The following TGM3 variants were observed in gnomAD, a reference collection of about 807,000 sequenced individuals.
The protein encoded by TGM3 is transglutaminase 3.
A neutral mutation model predicts 73.8 loss-of-function variants in TGM3; 52 were observed. The observed-to-expected ratio is 0.70, with a 90% CI of 0.56 to 0.89. The LOEUF (loss-of-function observed/expected upper bound fraction) is 0.89. TGM3 is among the 40% of genes least tolerant of loss of function. TGM3 has a pLI of 0.00. For synonymous variants in TGM3, 372 were observed against 354.9 expected, an observed-to-expected ratio of 1.05 and a Z score of -0.54; for missense variants, 928 against 909.9, an observed-to-expected ratio of 1.02 and a Z score of -0.26.
chr20:2,338,716 C>T (rs1306935058), intron 11 of TGM3, among the ~76,000 whole-genome samples: 1 of 152,224 alleles, frequency 6.6e-6, no homozygotes, highest in Non-Finnish European at 1.5e-5. Flanking sequence ...AAACAAAACA[C>T]AGCAACAACA....
In TGM3 at chr20:2,328,155, G is replaced by A; in HGVS notation, c.1123G>A (p.Val375Ile). The change falls in exon 9 of 13, where the codon GTT becomes ATT. Residue 375 changes from valine (V) to isoleucine (I), a missense_variant. Coordinates refer to ENST00000381458, the MANE Select transcript of TGM3 (RefSeq NM_003245.4). This position sits in a 1 kb window ranked among gnomAD's most constrained non-coding sequence, Gnocchi z 5.2. ...GTGCGGCCCCGCTTCGGTCATTGGT[G>A]TTCGAGAGGGTGATGTGCAGCTGAA... The part of the protein sequence containing the change: ...FQCGPASVIG[V>I]REGDVQLNFD... 1.2e-6 allele frequency: 2 copies of A among 1,614,176 alleles called. No individual in the cohort carries two copies. Among genetic ancestry groups the A allele is most frequent in the Non-Finnish European group, 1.7e-6 (2 of 1,180,030 alleles).
rs1470017597 is a variant in TGM3 at position 2,297,413 on chromosome 20, G to A, written c.7+1343G>A. ...AAGATGAAAGCTTTGAAATGAATGC[G>A]TTTTGAGGTTCCTTCCAGTACCGAC... On this transcript the variant is annotated intron_variant, in intron 1 of 12. Transcript: ENST00000381458. Among the ~76,000 whole-genome samples, 8 of 152,186 alleles carry A rather than the reference G, an allele frequency of 5.3e-5. No individual in the cohort carries two copies. The East Asian group carries it at 5.8e-4, about 11-fold the overall frequency.
At chr20:2,323,283 G>A (rs187874368) in intron 7 of TGM3, among the ~76,000 whole-genome samples, 25 of 152,258 alleles carry the variant, frequency 1.6e-4, no homozygotes, top group Admixed American at 7.2e-4. Context: ...TCATAGCTTA[G>A]CCTTGACTTA....
rs2084338502 is a variant in TGM3, at chr20:2,334,658, C to G, written c.1643-458C>G. On this transcript the variant is annotated intron_variant, in intron 10 of 12. Transcript: ENST00000381458. This position sits in a 1 kb window ranked among gnomAD's most constrained non-coding sequence, Gnocchi z 4.0. ...TCTTCCACTGCCCCTCAGAAGGACA[C>G]TTGTGGCTGGGAGCAGTGCTCACGC... 2.0e-5 allele frequency among the ~76,000 whole-genome samples: 3 copies of G among 152,204 alleles called. No homozygotes were observed. The highest frequency in any genetic ancestry group is 7.2e-5 in the African/African-American group (3 of 41,452).
Position 2,311,128 on chromosome 20 carries a change from AG to A in TGM3, c.540+1del, listed in dbSNP as rs2084201522. On this transcript the variant is annotated frameshift_variant and splice_region_variant, in exon 4 of 13. Coordinates refer to ENST00000381458, the MANE Select transcript of TGM3 (RefSeq NM_003245.4). LOFTEE classifies it high-confidence loss of function. ...GGCATGATTGGCTGGAACTTTGGAC[AG>A]GTAAAAGGGTCATAAGGAAGCTAAG... is the stretch of plus-strand genomic sequence containing the variant. Reference protein sequence around the residue: ...RIGMIGWNFGQFEEDILSICL... With the variant: ...RIGMIGWNFGXFEEDILSICL... The A allele has an allele frequency of 6.2e-7, 1 of 1,613,324 alleles. No individual in the cohort carries two copies. The highest frequency in any genetic ancestry group is 8.5e-7 in the Non-Finnish European group (1 of 1,179,378).
chr20:2,341,029 CA>C lies in TGM3; in HGVS notation c.*449del. ...GCAGGGGATGGTTAGTCACCTGCCCCAGCACTCACACCCTAACTCAAAATAA... is the reference window on the plus strand; with the variant it reads ...GCAGGGGATGGTTAGTCACCTGCCCCGCACTCACACCCTAACTCAAAATAA... On this transcript the variant is annotated 3_prime_UTR_variant, in exon 13 of 13. Coordinates refer to ENST00000381458, the MANE Select transcript of TGM3 (RefSeq NM_003245.4). 2.2e-6 allele frequency: 1 copy of C among 445,134 alleles called. No individual in the cohort carries two copies. The highest frequency in any genetic ancestry group is 4.6e-6 in the Non-Finnish European group (1 of 219,446). The allele number at this position is 445,134 out of a possible 1,614,324, so 27.6% of individuals were successfully genotyped here. A position where few individuals can be genotyped will look rare whatever the true frequency, so the allele number is the denominator to read the frequency against.
At chr20:2,337,386 A>T (rs556929051) in intron 11 of TGM3, among the ~76,000 whole-genome samples, 2 of 152,310 alleles carry the variant, frequency 1.3e-5, no homozygotes, top group Non-Finnish European at 2.9e-5. Context: ...CAGTTCAGTT[A>T]TGAGAACATT....
rs1281045678 is a variant in TGM3 at position 2,306,456 on chromosome 20, C to A, written c.8-3201C>A. On this transcript the variant is annotated intron_variant, in intron 1 of 12. Transcript: ENST00000381458. ...TCTTATTTGAGAGGTCTTCTTTTTT[C>A]TTTTTCTTTTCCTTTCTTTTTTTTT... Among the ~76,000 whole-genome samples the A allele has an allele frequency of 4.1e-5, 6 of 145,054 alleles. No individual in the cohort carries two copies. In the South Asian group the frequency reaches 1.3e-3, roughly 32 times the overall value.
intron 1 of TGM3, among the ~76,000 whole-genome samples, chr20:2,306,472 C>CTTTTTTTTTT (rs33929365): frequency 1.2e-4 from 15 of 129,622 alleles, no homozygotes; most frequent in Non-Finnish European, 1.6e-4. Context: ...CTTTTCCTTT[C>CTTTTTTTTTT]TTTTTTTTTT....
At chr20:2,313,265 C>T (rs930798730) in intron 5 of TGM3, among the ~76,000 whole-genome samples, 2 of 152,200 alleles carry the variant, frequency 1.3e-5, no homozygotes, top group African/African-American at 4.8e-5. Flanking sequence ...GTCCAGCCAG[C>T]TTCAAAGCCC....
intron 7 of TGM3, among the ~76,000 whole-genome samples, chr20:2,323,988 T>C (rs915740879): frequency 2.4e-4 from 36 of 152,338 alleles, no homozygotes; most frequent in African/African-American, 8.7e-4. Context: ...TACATTACAA[T>C]ATTGATACAG....
rs1342827019 is a variant in TGM3, at chr20:2,340,887, TG to T, written c.*308del. The stretch of plus-strand genomic sequence containing the variant: ...CGCCCTTCAATGCTGCAGGATGGAC[TG>T]GCCCCTGACCCAGGGACTCTCCAAA... On this transcript the variant is annotated 3_prime_UTR_variant, in exon 13 of 13. Transcript: ENST00000381458. 2 of 523,666 alleles carry T rather than the reference TG, an allele frequency of 3.8e-6. No homozygotes were observed. The highest frequency in any genetic ancestry group is 7.4e-6 in the Non-Finnish European group (2 of 271,326). 32.4% of individuals were successfully genotyped at this position (523,666 alleles called of 1,614,324 possible). A position where few individuals can be genotyped will look rare whatever the true frequency, so the allele number is the denominator to read the frequency against.
chr20:2,321,728 C>T (rs538116773), intron 7 of TGM3, among the ~76,000 whole-genome samples: 69 of 152,184 alleles, frequency 4.5e-4, no homozygotes, highest in Non-Finnish European at 8.5e-4. Flanking sequence ...GAGTGGAGCC[C>T]GAGGTTGGGG....
intron 7 of TGM3, among the ~76,000 whole-genome samples, chr20:2,325,481 C>T (rs2084281746): frequency 1.3e-5 from 2 of 152,148 alleles, no homozygotes; most frequent in Non-Finnish European, 2.9e-5. Context: ...TGTGGGTTTG[C>T]CCCTGGGTGG....
chr20:2,300,236 A>AAAAAAAG lies in TGM3; in HGVS notation c.7+4169_7+4170insAAAGAAA, dbSNP rs1555793861. Among the ~76,000 whole-genome samples the AAAAAAAG allele has an allele frequency of 2.3e-3, 341 of 147,898 alleles. 2 individuals carry two copies. The highest frequency in any genetic ancestry group is 4.3e-3 in the Non-Finnish European group (287 of 66,182). On this transcript the variant is annotated intron_variant, in intron 1 of 12. Transcript: ENST00000381458. ...GAAAGAGAAGAAAGAAAGAAAGAAA[A>AAAAAAAG]AAAGAAAGAAAGAAAGAAAAGAGAG...
intron 9 of TGM3, among the ~76,000 whole-genome samples, chr20:2,331,333 C>T (rs1285445058): frequency 1.3e-5 from 2 of 152,196 alleles, no homozygotes; most frequent in Non-Finnish European, 2.9e-5. Flanking sequence ...TACGCCATCA[C>T]ACTCAGCAGC....
chr20:2,312,338 G>T (rs758152985), intron 4 of TGM3, among the ~76,000 whole-genome samples: 1 of 129,666 alleles, frequency 7.7e-6, no homozygotes, highest in Non-Finnish European at 1.6e-5. Context: ...TGGAGGTCAC[G>T]ATGAGCCGAG....
At chr20:2,305,841 A>G (rs1239065320) in intron 1 of TGM3, among the ~76,000 whole-genome samples, 2 of 152,226 alleles carry the variant, frequency 1.3e-5, no homozygotes, top group Admixed American at 6.5e-5. Context: ...CAGGACGTCT[A>G]CAAGTGCCTG....
intron 1 of TGM3, among the ~76,000 whole-genome samples, chr20:2,305,623 C>T (rs2122213185): frequency 6.6e-6 from 1 of 152,322 alleles, no homozygotes; most frequent in African/African-American, 2.4e-5. Context: ...CCTCCTCCTC[C>T]AGCTCGGAGC....
Sources: gnomAD v4.1 joint callset for allele counts (sites outside exome capture counted in the v4.1 genomes callset) on GRCh38, gnomAD v4.1.1 for gene constraint, Gnocchi (gnomAD v3.1) non-coding constraint, MANE v1.5 for transcripts, NCBI Gene and HGNC (gene_info 2026-07-23, HGNC 2026-07-21) for gene names.